ADAMTS19: variants seen among roughly 807,000 people sequenced by gnomAD.
ADAMTS19 encodes A disintegrin and metalloproteinase with thrombospondin motifs 19.
A neutral mutation model predicts 153.3 loss-of-function variants in ADAMTS19; 93 were observed. That is an observed-to-expected ratio of 0.61 (90% CI 0.51 to 0.72). The LOEUF (loss-of-function observed/expected upper bound fraction) is 0.72. Ranked by LOEUF, ADAMTS19 falls within the 30% of genes least tolerant of loss-of-function variation. ADAMTS19 has a pLI of 0.00. For synonymous variants in ADAMTS19, 600 were observed against 556.6 expected, an observed-to-expected ratio of 1.08 and a Z score of -1.10; for missense variants, 1,482 against 1,552.1, an observed-to-expected ratio of 0.95 and a Z score of 0.76.
intron 21 of ADAMTS19, among the ~76,000 whole-genome samples, chr5:129,710,846 T>C (rs1756419349): frequency 6.6e-6 from 1 of 152,208 alleles, no homozygotes; most frequent in Non-Finnish European, 1.5e-5. Flanking sequence ...ATAACACTGT[T>C]TTGATCATGC....
intron 3 of ADAMTS19, among the ~76,000 whole-genome samples, chr5:129,519,008 C>T (rs563538817): frequency 1.3e-5 from 2 of 152,238 alleles, no homozygotes; most frequent in South Asian, 2.1e-4. Flanking sequence ...ATGCTAATTG[C>T]ATTTTTCAAC....
At chr5:129,561,535 CAAA>C (rs147456879) in intron 7 of ADAMTS19, among the ~76,000 whole-genome samples, 4 of 75,050 alleles carry the variant, frequency 5.3e-5, no homozygotes, top group Admixed American at 1.5e-4. Flanking sequence ...GACTCCGTCT[CAAA>C]AAAAAAAAAA....
chr5:129,620,953 C>G (rs1036045388), intron 9 of ADAMTS19, among the ~76,000 whole-genome samples, 195 bp downstream of exon 9: 3 of 152,010 alleles, frequency 2.0e-5, no homozygotes, highest in Admixed American at 1.3e-4. Context: ...TTTTTAATTT[C>G]TACATTTTTC....
rs2149540642 is a variant in ADAMTS19 at position 129,737,765 on chromosome 5, A to G, written c.*547A>G. On this transcript the variant is annotated 3_prime_UTR_variant, in exon 23 of 23. Coordinates refer to ENST00000274487, the MANE Select transcript of ADAMTS19 (RefSeq NM_133638.6). The stretch of plus-strand genomic sequence containing the variant: ...TTGGTTCAGATTTATAGACATCCAT[A>G]GGAAAAATTCTGCTGTAATTATAAC... 1 of 152,634 alleles carries G rather than the reference A, an allele frequency of 6.6e-6. No individual in the cohort carries two copies. Among genetic ancestry groups the G allele is most frequent in the South Asian group, 2.1e-4 (1 of 4,828 alleles). 9.5% of individuals were successfully genotyped at this position (152,634 alleles called of 1,614,324 possible).
At chr5:129,472,517 T>C (rs1296766015) in intron 2 of ADAMTS19, among the ~76,000 whole-genome samples, 1 of 152,182 alleles carries the variant, frequency 6.6e-6, no homozygotes, top group Admixed American at 6.6e-5. Flanking sequence ...ATTCTATGGA[T>C]TTAAAATTAT....
chr5:129,564,342 A>G (rs1244056256), intron 7 of ADAMTS19, among the ~76,000 whole-genome samples: 2 of 152,166 alleles, frequency 1.3e-5, no homozygotes, highest in Non-Finnish European at 2.9e-5. Context: ...CTGTTACATT[A>G]GTGGTAATTT....
At chr5:129,727,760 G>A (rs1207761068) in intron 21 of ADAMTS19, among the ~76,000 whole-genome samples, 1 of 152,066 alleles carries the variant, frequency 6.6e-6, no homozygotes, top group Non-Finnish European at 1.5e-5. Context: ...AAAGTGCCTG[G>A]CATATAATAA....
chr5:129,546,223 C>T (rs2126809180), intron 6 of ADAMTS19, among the ~76,000 whole-genome samples: 1 of 138,344 alleles, frequency 7.2e-6, no homozygotes, highest in African/African-American at 2.8e-5. Flanking sequence ...ATATCACACT[C>T]TGGGGACTGT....
intron 10 of ADAMTS19, among the ~76,000 whole-genome samples, chr5:129,640,960 G>C (rs1752761517): frequency 6.6e-6 from 1 of 152,062 alleles, no homozygotes; most frequent in Non-Finnish European, 1.5e-5. Flanking sequence ...GAGTAGCTGG[G>C]ATTATGGGTG....
chr5:129,612,222 T>C (rs1362639121), intron 8 of ADAMTS19, among the ~76,000 whole-genome samples: 1 of 148,934 alleles, frequency 6.7e-6, no homozygotes, highest in Admixed American at 6.8e-5. Flanking sequence ...GAACATACGG[T>C]GTTTGGTTTT....
In ADAMTS19 at chr5:129,643,306, G is replaced by A. The variant is rs188320777; in HGVS notation, c.1872+1346G>A. 1.0e-3 allele frequency among the ~76,000 whole-genome samples: 146 copies of A among 144,292 alleles called. 1 individual carries two copies. Among genetic ancestry groups the A allele is most frequent in the African/African-American group, 3.6e-3 (140 of 38,798 alleles). The allele number at this position is 144,292 out of a possible 152,430, so 94.7% of individuals were successfully genotyped here. On this transcript the variant is annotated intron_variant, in intron 11 of 22. Transcript: ENST00000274487. The stretch of plus-strand genomic sequence containing the variant: ...GAGCCTGGAAGGCAGAGGTTGCAGT[G>A]AGCCGAGACTGCACCACTGCACTCC...
intron 6 of ADAMTS19, among the ~76,000 whole-genome samples, chr5:129,531,652 C>A (rs1460296460): frequency 1.3e-5 from 2 of 151,964 alleles, no homozygotes; most frequent in Admixed American, 6.6e-5. Flanking sequence ...AACAAAAAAA[C>A]CCCAAAATCT....
rs907788054 is a variant in ADAMTS19, at chr5:129,738,305, A to T, written c.*1087A>T. On this transcript the variant is annotated 3_prime_UTR_variant, in exon 23 of 23. Transcript: ENST00000274487. Reference sequence around the variant, plus strand: ...ATACATGATTCACATGATTTCTTAGATTTTTCAATAAAATATGTAAAACTT... The same window carrying T: ...ATACATGATTCACATGATTTCTTAGTTTTTTCAATAAAATATGTAAAACTT... The T allele has an allele frequency of 1.3e-5, 2 of 152,098 alleles. No homozygotes were observed. Among genetic ancestry groups the T allele is most frequent in the East Asian group, 3.9e-4 (2 of 5,156 alleles). The allele number at this position is 152,098 out of a possible 1,614,324, so 9.4% of individuals were successfully genotyped here.
At chr5:129,691,827 T>C (rs574379492) in intron 18 of ADAMTS19, among the ~76,000 whole-genome samples, 5 of 152,180 alleles carry the variant, frequency 3.3e-5, no homozygotes, top group Admixed American at 1.3e-4. Context: ...ACAATACTTA[T>C]AGTTAAAAAT....
At chr5:129,516,151 A>G (rs1470811789) in intron 3 of ADAMTS19, among the ~76,000 whole-genome samples, 1 of 151,864 alleles carries the variant, frequency 6.6e-6, no homozygotes, top group Non-Finnish European at 1.5e-5. Context: ...TGTCATGATG[A>G]ATGAACTTTC....
intron 21 of ADAMTS19, among the ~76,000 whole-genome samples, chr5:129,706,563 C>G (rs370238491): frequency 1.5e-5 from 1 of 66,616 alleles, no homozygotes; most frequent in Non-Finnish European, 3.2e-5. Context: ...GAGTGAAACT[C>G]AAAAAAAAAA....
chr5:129,611,255 G>T (rs184242265), intron 8 of ADAMTS19, among the ~76,000 whole-genome samples: 1 of 152,002 alleles, frequency 6.6e-6, no homozygotes, highest in African/African-American at 2.4e-5. Context: ...CCACTCTGAT[G>T]GTAGTTTCTT....
At chr5:129,591,266 A>G (rs1750118649) in intron 7 of ADAMTS19, among the ~76,000 whole-genome samples, 1 of 151,184 alleles carries the variant, frequency 6.6e-6, no homozygotes, top group African/African-American at 2.4e-5. Context: ...TAATGAACAG[A>G]TTTTAAAATG....
chr5:129,643,101 T>G (rs1752873828), intron 11 of ADAMTS19, among the ~76,000 whole-genome samples: 1 of 151,996 alleles, frequency 6.6e-6, no homozygotes, highest in Admixed American at 6.6e-5. Context: ...ATTTTGATAC[T>G]TTACAATACA....
Sources: gnomAD v4.1 joint callset for allele counts (sites outside exome capture counted in the v4.1 genomes callset) on GRCh38, gnomAD v4.1.1 for gene constraint, MANE v1.5 for transcripts, NCBI Gene and HGNC (gene_info 2026-07-23, HGNC 2026-07-21) for gene names.